MTMR11: variants seen among roughly 807,000 people sequenced by gnomAD.
MTMR11 encodes myotubularin-related protein 11.
A neutral mutation model predicts 100.0 loss-of-function variants in MTMR11; 89 were observed. The observed-to-expected ratio is 0.89, with a 90% CI of 0.75 to 1.06. MTMR11 has a LOEUF of 1.06. Ranked by LOEUF, MTMR11 falls within the 50% of genes least tolerant of loss-of-function variation. MTMR11 has a pLI of 0.00. For missense variants in MTMR11, 809 were observed against 873.7 expected, an observed-to-expected ratio of 0.93 and a Z score of 0.93; for synonymous variants, 336 against 326.3, an observed-to-expected ratio of 1.03 and a Z score of -0.32.
chr1:149,935,418 C>T, intron 3 of MTMR11, 59 bp from the exon 4 acceptor site: 1 of 1,599,414 alleles, frequency 6.3e-7, no homozygotes, highest in Non-Finnish European at 8.6e-7. Flanking sequence ...CCTACCCTGG[C>T]AGCCCCAACC....
chr1:149,929,587 C>T, intron 16 of MTMR11, 36 bp downstream of exon 16: 1 of 1,583,810 alleles, frequency 6.3e-7, no homozygotes, highest in Non-Finnish European at 8.6e-7. Flanking sequence ...AGAGTCAAGT[C>T]CCTTGTCCCA....
Position 149,933,840 on chromosome 1 carries a change from A to G in MTMR11, c.771+15T>C, listed in dbSNP as rs782137280. 1.2e-6 allele frequency: 2 copies of G among 1,613,172 alleles called. No homozygotes were observed. The highest frequency in any genetic ancestry group is 1.7e-6 in the Non-Finnish European group (2 of 1,179,118). On this transcript the variant is annotated intron_variant, in intron 8 of 16. Coordinates refer to ENST00000439741, the MANE Select transcript of MTMR11 (RefSeq NM_001145862.2). ...CCCTCTAATCCACAGCCATTACCCT[A>G]ACCATCACACTGACCGGTCCACGGC...
At chr1:149,935,529 G>C (rs926272619) in intron 3 of MTMR11, 55 bp downstream of exon 3, 2 of 1,600,950 alleles carry the variant, frequency 1.2e-6, no homozygotes, top group South Asian at 1.1e-5. Flanking sequence ...AATCCTGCTA[G>C]ACTCCCCTAC....
At chr1:149,931,916 A>G (rs781982287) in intron 12 of MTMR11, 28 bp downstream of exon 12, 42 of 1,579,202 alleles carry the variant, frequency 2.7e-5, no homozygotes, top group Middle Eastern at 3.3e-4. Flanking sequence ...GAGGCAAGGA[A>G]TGGAATGGGC....
At chr1:149,933,083 A>T (rs2092680583) in intron 10 of MTMR11, among the ~76,000 whole-genome samples, 2 of 150,572 alleles carry the variant, frequency 1.3e-5, no homozygotes, top group African/African-American at 4.9e-5. Flanking sequence ...AGTAGCTGGG[A>T]TTACAGGCAT....
rs2092617487 is a variant in MTMR11, at chr1:149,928,963, CA to C, written c.*165del. 8.1e-6 allele frequency: 13 copies of C among 1,612,864 alleles called. No homozygotes were observed. In the South Asian group the frequency reaches 1.3e-4, roughly 16 times the overall value. Reference sequence around the variant, plus strand: ...TCTTAATCCTTCAAATGACAAGAAGCAAAAATATTTGTAGAAACTAAGCAAG... The same window carrying C: ...TCTTAATCCTTCAAATGACAAGAAGCAAAATATTTGTAGAAACTAAGCAAG... On this transcript the variant is annotated 3_prime_UTR_variant, in exon 17 of 17. Transcript: ENST00000439741.
chr1:149,929,618 C>G lies in MTMR11; in HGVS notation c.1941+5G>C, dbSNP rs782157276. 3 of 1,607,262 alleles carry G rather than the reference C, an allele frequency of 1.9e-6. No homozygotes were observed. Among genetic ancestry groups the G allele is most frequent in the Non-Finnish European group, 2.5e-6 (3 of 1,176,886 alleles). The stretch of plus-strand genomic sequence containing the variant: ...TCCCACTCCCAGTCTATTTTCCCTT[C>G]TTACCTGGACCTCAGGCCTTCCCCT... On this transcript the variant is annotated splice_donor_5th_base_variant and intron_variant, in intron 16 of 16. Transcript: ENST00000439741.
chr1:149,930,369 G>A lies in MTMR11; in HGVS notation c.1643C>T (p.Pro548Leu). The change falls in exon 15 of 17, where the codon CCA becomes CTA. Residue 548 changes from proline to leucine, a missense_variant. Physicochemically the swap from Pro to Leu is moderately conservative, Grantham distance 98. Coordinates refer to ENST00000439741, the MANE Select transcript of MTMR11 (RefSeq NM_001145862.2). Reference protein sequence around the residue: ...EHCPDSWLPRPQPSFMVPGPP... With the variant: ...EHCPDSWLPRLQPSFMVPGPP... ...TAGGAAGTTTAGACACTTCACCTGT[G>A]GTCTAGGGAGCCAGGAATCTGGACA... 1 of 1,613,056 alleles carries A rather than the reference G, an allele frequency of 6.2e-7. No individual in the cohort carries two copies. The highest frequency in any genetic ancestry group is 8.5e-7 in the Non-Finnish European group (1 of 1,179,250).
In MTMR11 at chr1:149,935,671, C is replaced by G; in HGVS notation, c.177G>C (p.Arg59Ser). ...CAGACAATTCTGGTTCCAGGCCCTTCCTCACCCCTGGGGCCCATGCTAGGA... is the reference window on the plus strand; with the variant it reads ...CAGACAATTCTGGTTCCAGGCCCTTGCTCACCCCTGGGGCCCATGCTAGGA... ...EQILAWAPGVRKGLEPELSGT... is the reference protein window; with the variant it reads ...EQILAWAPGVSKGLEPELSGT... Residue 59 changes from arginine (R) to serine (S), a missense_variant, in exon 3 of 17, where the codon AGG becomes AGC. Arg to Ser is a moderately radical substitution (Grantham distance 110). Transcript: ENST00000439741. 1 of 1,613,452 alleles carries G rather than the reference C, an allele frequency of 6.2e-7. No homozygotes were observed. The highest frequency in any genetic ancestry group is 8.5e-7 in the Non-Finnish European group (1 of 1,179,682).
At chr1:149,933,258 G>C (rs2092683152) in intron 10 of MTMR11, 148 bp downstream of exon 10, 8 of 1,213,020 alleles carry the variant, frequency 6.6e-6, no homozygotes, top group Non-Finnish European at 8.1e-6. Context: ...GCCCAGCCGA[G>C]ACTCCGTCTC....
intron 13 of MTMR11, 125 bp from the exon 14 acceptor site, chr1:149,931,090 G>A (rs782538099): frequency 2.3e-5 from 31 of 1,343,784 alleles, no homozygotes; most frequent in Non-Finnish European, 2.9e-5. Flanking sequence ...ATGAAAATCT[G>A]AATTGAGGGT....
chr1:149,935,758 C>A, intron 2 of MTMR11, 53 bp from the exon 3 acceptor site: 1 of 1,518,252 alleles, frequency 6.6e-7, no homozygotes. Context: ...GTTGCCCACA[C>A]TTGGATACAC....
chr1:149,934,389 G>A (rs371488248), intron 6 of MTMR11, 59 bp downstream of exon 6: 2 of 1,613,442 alleles, frequency 1.2e-6, no homozygotes, highest in Non-Finnish European at 1.7e-6. Flanking sequence ...TCAGCTCTTT[G>A]TCATCAGCCA....
chr1:149,930,844 G>A lies in MTMR11; in HGVS notation c.1412C>T (p.Thr471Ile). The change falls in exon 14 of 17, where the codon ACC (threonine) becomes ATC (isoleucine). Residue 471 changes from threonine to isoleucine, a missense_variant. By Grantham distance (89) the Thr-to-Ile change is moderately conservative. Coordinates refer to ENST00000439741, the MANE Select transcript of MTMR11 (RefSeq NM_001145862.2). ...GGGGGTATTTCTCAGGAAGGTAAGG[G>A]TGTCAGGAACCCTGACACTGTCATG... ...ALHDSVRVPD[T>I]LTFLRNTPWE... The A allele has an allele frequency of 1.9e-6, 3 of 1,609,506 alleles. No individual in the cohort carries two copies. Among genetic ancestry groups the A allele is most frequent in the Non-Finnish European group, 2.5e-6 (3 of 1,178,410 alleles).
intron 14 of MTMR11, 29 bp from the exon 15 acceptor site, chr1:149,930,576 G>GTGTGTAACCATCCTTT: frequency 6.4e-7 from 1 of 1,571,816 alleles, no homozygotes; most frequent in Non-Finnish European, 8.7e-7. Context: ...AAAAAGGATG[G>GTGTGTAACCATCCTTT]TTACACACAA....
chr1:149,936,300 C>T (rs1328191535), intron 1 of MTMR11, 71 bp from the exon 2 acceptor site: 20 of 1,600,476 alleles, frequency 1.2e-5, no homozygotes, highest in Non-Finnish European at 1.7e-5. Context: ...AGGCAGCTGC[C>T]TGTAGAGGCC....
At position 149,929,091 on chromosome 1, in the gene MTMR11, TAC is replaced by T; in HGVS notation, c.*36_*37del. 1 of 1,454,974 alleles carries T rather than the reference TAC, an allele frequency of 6.9e-7. No homozygotes were observed. Among genetic ancestry groups the T allele is most frequent in the Non-Finnish European group, 9.1e-7 (1 of 1,093,754 alleles). 90.1% of individuals were successfully genotyped at this position (1,454,974 alleles called of 1,614,324 possible). A position where few individuals can be genotyped will look rare whatever the true frequency, so the allele number is the denominator to read the frequency against. Reference sequence around the variant, plus strand: ...TGAAAGCTGAGGCTGCAAGTGCAGATACAAAAAAAAAAAAAAAAGATTAGACA... The same window carrying T: ...TGAAAGCTGAGGCTGCAAGTGCAGATAAAAAAAAAAAAAAAAGATTAGACA... On this transcript the variant is annotated 3_prime_UTR_variant, in exon 17 of 17. Transcript: ENST00000439741.
Position 149,929,141 on chromosome 1 carries a change from C to T in MTMR11, c.2118G>A (p.Gly706=). ...ACAGAACCCTCCTCTACCCCAGATC[C>T]CCCTCTGCCCTGCCTTTGAGAATGC... ...IAGILKGRAE[G]DLG Residue 706 remains glycine, a synonymous_variant, in exon 17 of 17, where the codon GGG becomes GGA. Coordinates refer to ENST00000439741, the MANE Select transcript of MTMR11 (RefSeq NM_001145862.2). 1 of 1,612,346 alleles carries T rather than the reference C, an allele frequency of 6.2e-7. No homozygotes were observed. Among genetic ancestry groups the T allele is most frequent in the Non-Finnish European group, 8.5e-7 (1 of 1,178,942 alleles).
At chr1:149,934,834 C>T (rs1317086112) in intron 5 of MTMR11, 152 bp downstream of exon 5, 2 of 1,012,532 alleles carry the variant, frequency 2.0e-6, no homozygotes, top group East Asian at 2.6e-5. Context: ...TCTCATCACG[C>T]AATCATTTAT....
Sources: gnomAD v4.1 joint callset for allele counts (sites outside exome capture counted in the v4.1 genomes callset) on GRCh38, gnomAD v4.1.1 for gene constraint, MANE v1.5 for transcripts, NCBI Gene and HGNC (gene_info 2026-07-23, HGNC 2026-07-21) for gene names.